Variants in EDIL3 observed in about 807,000 individuals in gnomAD.
EDIL3 encodes the protein EGF like and discoidin domains 3.
Under a neutral mutation model 67.4 loss-of-function variants are expected in EDIL3, and 37 were observed. The observed-to-expected ratio is 0.55, with a 90% confidence interval of 0.42 to 0.72. EDIL3 has a LOEUF of 0.72. Ranked by LOEUF, EDIL3 falls within the 30% of genes least tolerant of loss-of-function variation. The pLI is 0.00. For synonymous variants in EDIL3, 195 were observed against 196.3 expected (o/e 0.99, Z 0.05); for missense variants, 527 against 586.3 (o/e 0.90, Z 1.04).
At chr5:84,053,840 C>T (rs2112227817) in intron 9 of EDIL3, among the ~76,000 whole-genome samples, 1 of 152,212 alleles carries the variant, frequency 6.6e-6, no homozygotes, top group South Asian at 2.1e-4. Context: ...AAAAAAAGTC[C>T]AGGACCAGAT....
At chr5:84,115,847 A>T (rs1304316784) in intron 5 of EDIL3, among the ~76,000 whole-genome samples, 1 of 152,348 alleles carries the variant, frequency 6.6e-6, no homozygotes, top group Non-Finnish European at 1.5e-5. Context: ...ATGCTAAAAG[A>T]GGGACTGAGT....
At chr5:83,963,505 T>A in intron 9 of EDIL3, 145 bp from the exon 10 acceptor site, 1 of 942,200 alleles carries the variant, frequency 1.1e-6, no homozygotes, top group Non-Finnish European at 1.5e-6. Context: ...AATGACTGAG[T>A]CTATTATTGG....
intron 4 of EDIL3, among the ~76,000 whole-genome samples, chr5:84,138,977 C>A (rs1317706240): frequency 6.6e-6 from 1 of 152,206 alleles, no homozygotes; most frequent in Non-Finnish European, 1.5e-5. Flanking sequence ...TGGTGGCTCA[C>A]ACCTGTCATC....
chr5:84,089,797 G>T (rs1747132297), intron 6 of EDIL3, among the ~76,000 whole-genome samples: 1 of 152,088 alleles, frequency 6.6e-6, no homozygotes, highest in African/African-American at 2.4e-5. Context: ...ACTTTACTCT[G>T]ATGTCCGTTG....
At chr5:84,311,324 CT>C (rs58965080) in intron 1 of EDIL3, among the ~76,000 whole-genome samples, 1,224 of 105,506 alleles carry the variant, frequency 0.012, 16 homozygotes, top group African/African-American at 0.033. Context: ...TTTTTTTTTT[CT>C]TTTTTTTTTT....
intron 1 of EDIL3, among the ~76,000 whole-genome samples, chr5:84,333,560 G>T (rs1746919320): frequency 1.3e-5 from 2 of 151,996 alleles, no homozygotes; most frequent in Non-Finnish European, 2.9e-5. Flanking sequence ...AGGAGACGAG[G>T]TATATTTTTA....
chr5:84,138,640 T>C (rs1306367184), intron 4 of EDIL3, among the ~76,000 whole-genome samples: 1 of 152,116 alleles, frequency 6.6e-6, no homozygotes, highest in Non-Finnish European at 1.5e-5. Context: ...TATTTGAAAA[T>C]CTCAATTTTG....
At chr5:83,979,349 A>T (rs1204744004) in intron 9 of EDIL3, among the ~76,000 whole-genome samples, 1 of 152,126 alleles carries the variant, frequency 6.6e-6, no homozygotes, top group Non-Finnish European at 1.5e-5. Flanking sequence ...CGTAGGACAA[A>T]TTAATAATAT....
intron 2 of EDIL3, among the ~76,000 whole-genome samples, chr5:84,243,071 A>ATGTGTG (rs35700768): frequency 3.1e-4 from 47 of 151,490 alleles, no homozygotes; most frequent in African/African-American, 1.1e-3. Flanking sequence ...AGGTTATTTT[A>ATGTGTG]TGTGTGTGTG....
chr5:84,248,263 G>C (rs1025859495), intron 2 of EDIL3, among the ~76,000 whole-genome samples: 2 of 152,068 alleles, frequency 1.3e-5, no homozygotes, highest in Admixed American at 6.5e-5. Context: ...TGTAATCAAA[G>C]GAAATGCTTA....
intron 9 of EDIL3, among the ~76,000 whole-genome samples, chr5:84,047,188 G>C (rs1466328030): frequency 3.3e-5 from 5 of 151,942 alleles, no homozygotes; most frequent in Admixed American, 6.6e-5. Flanking sequence ...CCTGTATCTG[G>C]GGTTAATCTA....
intron 6 of EDIL3, among the ~76,000 whole-genome samples, chr5:84,084,151 G>A (rs1237145293): frequency 6.6e-6 from 1 of 152,108 alleles, no homozygotes; most frequent in Admixed American, 6.5e-5. Flanking sequence ...TTGAAATTTA[G>A]GAGGGAAAAT....
intron 9 of EDIL3, among the ~76,000 whole-genome samples, chr5:84,003,310 T>C (rs1052426020): frequency 1.3e-5 from 2 of 152,070 alleles, no homozygotes; most frequent in Non-Finnish European, 2.9e-5. Flanking sequence ...GCCTCTGCCA[T>C]TGCCACTGCC....
At chr5:84,109,522 C>CA (rs1747522219) in intron 5 of EDIL3, among the ~76,000 whole-genome samples, 1 of 151,698 alleles carries the variant, frequency 6.6e-6, no homozygotes, top group Non-Finnish European at 1.5e-5. Context: ...CAAAACAAAA[C>CA]AAAAAAGCAA....
chr5:84,051,008 C>A (rs1746325780), intron 9 of EDIL3, among the ~76,000 whole-genome samples: 1 of 152,236 alleles, frequency 6.6e-6, no homozygotes, highest in Admixed American at 6.5e-5. Context: ...AACGGACAGA[C>A]TGCTTCCTCA....
chr5:84,246,225 A>C (rs1274248893), intron 2 of EDIL3, among the ~76,000 whole-genome samples: 1 of 152,236 alleles, frequency 6.6e-6, no homozygotes, highest in East Asian at 1.9e-4. Context: ...GAAATTGCAT[A>C]TATTCCCCTC....
intron 6 of EDIL3, among the ~76,000 whole-genome samples, chr5:84,075,890 GCACACACACACACA>G (rs10530772): frequency 1.4e-5 from 2 of 144,970 alleles, no homozygotes; most frequent in African/African-American, 5.1e-5. Flanking sequence ...AAGTGTGCAC[GCACACACACACACA>G]CACACACACA....
At chr5:84,231,009 G>C (rs1707906411) in intron 2 of EDIL3, among the ~76,000 whole-genome samples, 2 of 152,156 alleles carry the variant, frequency 1.3e-5, no homozygotes, top group South Asian at 4.1e-4. Flanking sequence ...TACCAACCCT[G>C]TAAGTATATT....
rs1747424799 is a variant in EDIL3, at chr5:84,354,232, T to C, written c.67+30076A>G. ...GAATACCAAGAATGCACAGTAACAC[T>C]AGGAAGAAAGCCATGTGAGTGTCTC... On this transcript the variant is annotated intron_variant, in intron 1 of 10. Transcript: ENST00000296591. Among the ~76,000 whole-genome samples the C allele has an allele frequency of 2.0e-5, 3 of 152,154 alleles. No homozygotes were observed. The South Asian group carries it at 6.2e-4, about 32-fold the overall frequency.
Sources: allele counts gnomAD v4.1 joint callset (sites outside exome capture counted in the v4.1 genomes callset), GRCh38; gene constraint gnomAD v4.1.1; transcripts MANE v1.5; gene names NCBI Gene and HGNC (gene_info 2026-07-23, HGNC 2026-07-21).